KATNIP: variants seen among roughly 807,000 people sequenced by gnomAD.
KATNIP encodes the protein katanin interacting protein.
In KATNIP, 126 loss-of-function variants were observed where a neutral mutation model predicts 174.0. That is an observed-to-expected ratio of 0.72 (90% CI 0.63 to 0.84). The LOEUF (loss-of-function observed/expected upper bound fraction) is 0.84. Among genes scored for constraint, KATNIP ranks in the 40% least tolerant of loss-of-function variants. The pLI, the probability that KATNIP is intolerant of heterozygous loss-of-function variation, is 0.00. For synonymous variants in KATNIP, 810 were observed against 835.7 expected (o/e 0.97, Z 0.53); for missense variants, 1,958 against 2,109.7 (o/e 0.93, Z 1.41).
At chr16:27,607,398 G>A (rs374538413) in intron 2 of KATNIP, among the ~76,000 whole-genome samples, 6 of 152,222 alleles carry the variant, frequency 3.9e-5, no homozygotes, top group African/African-American at 1.2e-4. Context: ...TGCTGCGTGC[G>A]TTAAATAAGC....
chr16:27,705,356 G>A (rs1004201778), intron 12 of KATNIP, among the ~76,000 whole-genome samples: 7 of 152,114 alleles, frequency 4.6e-5, no homozygotes, highest in African/African-American at 1.7e-4. Flanking sequence ...TCCTCCCAAA[G>A]CCACATATAA....
At chr16:27,617,541 A>G (rs959062004) in intron 2 of KATNIP, among the ~76,000 whole-genome samples, 7 of 152,228 alleles carry the variant, frequency 4.6e-5, no homozygotes, top group South Asian at 2.1e-4. Flanking sequence ...AAGGTCATCT[A>G]CGGAAGCCAG....
At chr16:27,555,285 G>A (rs112956580) in intron 1 of KATNIP, among the ~76,000 whole-genome samples, 32 of 152,160 alleles carry the variant, frequency 2.1e-4, no homozygotes, top group East Asian at 3.9e-4. Context: ...TAGTTTATTC[G>A]GCATGTCTTA....
intron 2 of KATNIP, among the ~76,000 whole-genome samples, chr16:27,585,924 A>T (rs1018780860): frequency 3.3e-5 from 5 of 152,174 alleles, no homozygotes; most frequent in Admixed American, 1.3e-4. Flanking sequence ...CAACATGGTG[A>T]AACCCTGTCT....
At position 27,703,903 on chromosome 16, in the gene KATNIP, C is replaced by G. The variant is rs1401201440; in HGVS notation, c.1294C>G (p.Gln432Glu). ...AACCAAATCCCATTTCAGACAACAG[C>G]AGAAGCTTCTGAAAGTCCTCCAGGC... ...RIGLLGSRQQ[Q>E]KLLKVLQAVE... The change falls in exon 12 of 28, where the codon CAG becomes GAG. Residue 432 changes from glutamine (Q) to glutamate (E), a missense_variant. By Grantham distance (29) the Gln-to-Glu change is conservative. This residue lies in a region of KATNIP where 1,557 missense variants were observed against 1,617.8 expected (regional missense o/e 0.96). Transcript: ENST00000261588. 6.2e-7 allele frequency: 1 copy of G among 1,613,866 alleles called. No individual in the cohort carries two copies. The highest frequency in any genetic ancestry group is 1.7e-5 in the Admixed American group (1 of 60,028).
intron 2 of KATNIP, among the ~76,000 whole-genome samples, chr16:27,605,896 A>G (rs951485287): frequency 4.6e-5 from 7 of 152,090 alleles, no homozygotes; most frequent in Non-Finnish European, 1.0e-4. Flanking sequence ...TTGGGAGGCC[A>G]AGGAGGGTGG....
At position 27,740,491 on chromosome 16, in the gene KATNIP, C is replaced by G; in HGVS notation, c.2194C>G (p.Leu732Val). ...KCPPVHEEPSLIQQLENLMGR... is the reference protein window; with the variant it reads ...KCPPVHEEPSVIQQLENLMGR... ...CCCTCCTGTCCATGAGGAGCCCTCT[C>G]TCATCCAACAACTGGAAAACCTCAT... Residue 732 changes from leucine (L) to valine (V), a missense_variant, in exon 15 of 28, where the codon CTC (leucine) becomes GTC (valine). By Grantham distance (32) the Leu-to-Val change is conservative (BLOSUM62 1). Around this residue, in one of 3 missense-constraint regions of KATNIP, gnomAD observed 1,557 missense variants for 1,617.8 expected, o/e 0.96. Transcript: ENST00000261588. The G allele has an allele frequency of 6.2e-7, 1 of 1,614,196 alleles. No individual in the cohort carries two copies. Among genetic ancestry groups the G allele is most frequent in the Non-Finnish European group, 8.5e-7 (1 of 1,180,046 alleles).
chr16:27,684,076 A>G (rs1447140227), intron 8 of KATNIP, among the ~76,000 whole-genome samples: 1 of 152,134 alleles, frequency 6.6e-6, no homozygotes, highest in Non-Finnish European at 1.5e-5. Context: ...TATTTTTTCC[A>G]TATTCAAGTA....
At chr16:27,582,121 A>G (rs2090721951) in intron 2 of KATNIP, among the ~76,000 whole-genome samples, 1 of 152,160 alleles carries the variant, frequency 6.6e-6, no homozygotes, top group African/African-American at 2.4e-5. Flanking sequence ...TACAGAAAAG[A>G]CAGGTGACTT....
chr16:27,560,006 AG>A (rs906340251), intron 1 of KATNIP, among the ~76,000 whole-genome samples: 2 of 149,968 alleles, frequency 1.3e-5, no homozygotes, highest in African/African-American at 4.9e-5. Flanking sequence ...TAAAAAATCC[AG>A]GTGTGGTGGC....
Position 27,776,841 on chromosome 16 carries a change from A to ACCCCAGCCCACGCCTGGCAC in KATNIP, c.4450-76_4450-57dup, listed in dbSNP as rs2082516674. The ACCCCAGCCCACGCCTGGCAC allele has an allele frequency of 4.3e-6, 4 of 928,890 alleles. No individual in the cohort carries two copies. Among genetic ancestry groups the ACCCCAGCCCACGCCTGGCAC allele is most frequent in the Non-Finnish European group, 5.2e-6 (3 of 572,466 alleles). The allele number at this position is 928,890 out of a possible 1,614,324, so 57.5% of individuals were successfully genotyped here. A position where few individuals can be genotyped will look rare whatever the true frequency, so the allele number is the denominator to read the frequency against. ...GGCGCTGCCTTGGGCACCACCGCTC[A>ACCCCAGCCCACGCCTGGCAC]CCCCAGCCCACGCCTGGCACCCCCA... On this transcript the variant is annotated intron_variant, in intron 24 of 27. Coordinates refer to ENST00000261588, the MANE Select transcript of KATNIP (RefSeq NM_015202.5). The surrounding 1 kb of genome is among the most constrained non-coding windows in gnomAD (Gnocchi z 4.7).
At chr16:27,557,430 A>ATTTT (rs35106167) in intron 1 of KATNIP, among the ~76,000 whole-genome samples, 1 of 119,434 alleles carries the variant, frequency 8.4e-6, no homozygotes, top group African/African-American at 3.1e-5. Context: ...ACAGGTGTGG[A>ATTTT]TTTTTTTTTT....
chr16:27,689,044 T>C (rs910357971), intron 8 of KATNIP, among the ~76,000 whole-genome samples: 5 of 152,222 alleles, frequency 3.3e-5, no homozygotes, highest in African/African-American at 1.2e-4. Context: ...AATGGTTCCC[T>C]GAAGGAAACC....
intron 5 of KATNIP, among the ~76,000 whole-genome samples, chr16:27,648,168 C>T (rs1013576621): frequency 1.3e-5 from 2 of 152,044 alleles, no homozygotes; most frequent in Non-Finnish European, 2.9e-5. Context: ...TGGCAGGTGC[C>T]TGTTGTCCCA....
intron 1 of KATNIP, among the ~76,000 whole-genome samples, chr16:27,556,043 CT>C (rs1256022036): frequency 1.3e-5 from 2 of 151,672 alleles, no homozygotes; most frequent in African/African-American, 4.8e-5. Flanking sequence ...CAGAGAATTG[CT>C]TGAACCTGGG....
intron 14 of KATNIP, among the ~76,000 whole-genome samples, chr16:27,731,127 C>T (rs371228353): frequency 2.0e-5 from 3 of 152,106 alleles, no homozygotes; most frequent in East Asian, 1.9e-4. Flanking sequence ...AGGACCCCCC[C>T]GTCCCCCACC....
At chr16:27,713,333 T>C (rs1597256649) in intron 13 of KATNIP, among the ~76,000 whole-genome samples, 1 of 152,158 alleles carries the variant, frequency 6.6e-6, no homozygotes, top group Non-Finnish European at 1.5e-5. Flanking sequence ...TATTGCACAC[T>C]TACATGTATT....
chr16:27,595,923 A>G (rs567345547), intron 2 of KATNIP, among the ~76,000 whole-genome samples: 78 of 152,248 alleles, frequency 5.1e-4, no homozygotes, highest in African/African-American at 1.8e-3. Context: ...CAAGGGCAAA[A>G]TCGCGGGGAC....
At chr16:27,640,677 ATTTTTTT>A in intron 5 of KATNIP, among the ~76,000 whole-genome samples, 2 of 122,076 alleles carry the variant, frequency 1.6e-5, no homozygotes, top group African/African-American at 6.2e-5. Flanking sequence ...TTGGTTTTTA[ATTTTTTT>A]TTTTTTTTTT....
Sources: allele counts gnomAD v4.1 joint callset (sites outside exome capture counted in the v4.1 genomes callset), GRCh38; gene constraint gnomAD v4.1.1; regional missense constraint gnomAD v4.1.1; non-coding constraint Gnocchi (gnomAD v3.1); transcripts MANE v1.5; gene names NCBI Gene and HGNC (gene_info 2026-07-23, HGNC 2026-07-21).